Variants in ZP1 observed in about 807,000 individuals in gnomAD.
ZP1 encodes zona pellucida sperm-binding protein 1.
Under a neutral mutation model 67.4 loss-of-function variants are expected in ZP1, and 58 were observed. The ratio of observed to expected loss-of-function variants is 0.86; its 90% CI spans 0.70 to 1.07. The LOEUF (loss-of-function observed/expected upper bound fraction) is 1.07, where lower values mean the gene tolerates loss of function less well. Ranked by LOEUF, ZP1 falls within the 50% of genes least tolerant of loss-of-function variation. The pLI is 0.00. For missense variants in ZP1, 759 were observed against 807.3 expected (o/e 0.94, Z 0.72); for synonymous variants, 333 against 332.7 (o/e 1.00, Z -0.01).
intron 3 of ZP1, among the ~76,000 whole-genome samples, 183 bp downstream of exon 3, chr11:60,870,083 A>T (rs1391217437): frequency 6.6e-6 from 1 of 152,236 alleles, no homozygotes; most frequent in African/African-American, 2.4e-5. Context: ...GTATAGGTGT[A>T]CTAAAGCTAG....
intron 1 of ZP1, 43 bp downstream of exon 1, chr11:60,867,800 G>GGCCA (rs766585544): frequency 1.3e-6 from 2 of 1,589,298 alleles, no homozygotes; most frequent in South Asian, 2.3e-5. Flanking sequence ...CCTGGCCACG[G>GGCCA]GCTGCTGCCA....
rs757348950 is a variant in ZP1, at chr11:60,875,250, TAGG to T, written c.1774+6_1774+8del. The T allele has an allele frequency of 3.1e-6, 5 of 1,609,956 alleles. No individual in the cohort carries two copies. The highest frequency in any genetic ancestry group is 1.7e-5 in the Admixed American group (1 of 59,740). Reference sequence around the variant, plus strand: ...AGGAGCCCACACTTGGGCCCACAGGTAGGAGGGCTTCTGGGTGGGCCCCTCAGG... The same window carrying T: ...AGGAGCCCACACTTGGGCCCACAGGTAGGGCTTCTGGGTGGGCCCCTCAGG... On this transcript the variant is annotated splice_donor_5th_base_variant and intron_variant, in intron 11 of 11. Coordinates refer to ENST00000278853, the MANE Select transcript of ZP1 (RefSeq NM_207341.4).
chr11:60,874,881 C>T (rs1855670239), intron 9 of ZP1, 52 bp from the exon 10 acceptor site: 1 of 1,578,276 alleles, frequency 6.3e-7, no homozygotes, highest in African/African-American at 1.3e-5. Flanking sequence ...CTTTGTGCTT[C>T]CTGCCCGGTG....
At chr11:60,872,241 C>T (rs370592287) in intron 6 of ZP1, among the ~76,000 whole-genome samples, 74 of 152,200 alleles carry the variant, frequency 4.9e-4, no homozygotes, top group African/African-American at 1.8e-3. Context: ...GTTCTTATGG[C>T]CAAGTGGTGG....
At chr11:60,871,176 TC>T (rs745798186) in intron 5 of ZP1, 32 bp downstream of exon 5, 26 of 1,613,766 alleles carry the variant, frequency 1.6e-5, no homozygotes, top group Non-Finnish European at 2.0e-5. Flanking sequence ...TGGGGCCTGG[TC>T]CCCCACCAGA....
chr11:60,871,148 G>A lies in ZP1; in HGVS notation c.1014+4G>A. 2 of 1,614,014 alleles carry A rather than the reference G, an allele frequency of 1.2e-6. No individual in the cohort carries two copies. The highest frequency in any genetic ancestry group is 1.6e-4 in the Middle Eastern group (1 of 6,062). ...CCACTGTGGAACCACAATGCAGGTA[G>A]GAGCCGGGACCACAGGCTGGGGCCT... On this transcript the variant is annotated splice_donor_region_variant and intron_variant, in intron 5 of 11. Coordinates refer to ENST00000278853, the MANE Select transcript of ZP1 (RefSeq NM_207341.4).
At chr11:60,870,667 G>A (rs958499028) in intron 4 of ZP1, 192 bp downstream of exon 4, 1 of 731,612 alleles carries the variant, frequency 1.4e-6, no homozygotes, top group East Asian at 2.8e-5. Context: ...CTGTCCCAGG[G>A]AACTATTAAT....
At position 60,873,788 on chromosome 11, in the gene ZP1, G is replaced by A. The variant is rs767759286; in HGVS notation, c.1572+13G>A. ...CCTCAGAGGACTGGTAAGAAGCCCC[G>A]GCTGCCGCATGCCTGGTCCCATCTG... On this transcript the variant is annotated intron_variant, in intron 9 of 11. Transcript: ENST00000278853. 2.9e-5 allele frequency: 47 copies of A among 1,612,808 alleles called. No individual in the cohort carries two copies. The highest frequency in any genetic ancestry group is 3.5e-5 in the Non-Finnish European group (41 of 1,180,002).
intron 9 of ZP1, among the ~76,000 whole-genome samples, chr11:60,874,331 T>C (rs1219623999): frequency 6.6e-6 from 1 of 152,232 alleles, no homozygotes; most frequent in Non-Finnish European, 1.5e-5. Flanking sequence ...TCATCTCTGC[T>C]GTGTGCTGCC....
rs1459992525 is a variant in ZP1, at chr11:60,869,575, G to A, written c.357G>A (p.Val119=). The A allele has an allele frequency of 6.2e-7, 1 of 1,612,792 alleles. No homozygotes were observed. Among genetic ancestry groups the A allele is most frequent in the East Asian group, 2.2e-5 (1 of 44,854 alleles). ...ACCTGAGGGTGTTCATGGAGGCTGTGCTGCCCAATGGTCGTGTGGATGTGG... is the reference window on the plus strand; with the variant it reads ...ACCTGAGGGTGTTCATGGAGGCTGTACTGCCCAATGGTCGTGTGGATGTGG... ...RFHLRVFMEA[V]LPNGRVDVAQ... Residue 119 remains valine, a synonymous_variant, in exon 3 of 12, where the codon GTG becomes GTA. Coordinates refer to ENST00000278853, the MANE Select transcript of ZP1 (RefSeq NM_207341.4).
At chr11:60,870,670 C>G in intron 4 of ZP1, 195 bp downstream of exon 4, 1 of 716,046 alleles carries the variant, frequency 1.4e-6, no homozygotes, top group Admixed American at 3.1e-5. Context: ...TCCCAGGGAA[C>G]TATTAATAGA....
chr11:60,871,205 C>G lies in ZP1; in HGVS notation c.1015-12C>G. 1 of 1,614,088 alleles carries G rather than the reference C, an allele frequency of 6.2e-7. No individual in the cohort carries two copies. The highest frequency in any genetic ancestry group is 8.5e-7 in the Non-Finnish European group (1 of 1,180,030). ...CCACCAGAAAGCCTCACCCAGCTGT[C>G]TCTTCCTACAGGTGGCTGGCGACCA... is the stretch of plus-strand genomic sequence containing the variant. On this transcript the variant is annotated splice_polypyrimidine_tract_variant and intron_variant, in intron 5 of 11. Transcript: ENST00000278853.
rs752851301 is a variant in ZP1, at chr11:60,871,080, C to A, written c.950C>A (p.Thr317Lys). 6.2e-7 allele frequency: 1 copy of A among 1,614,252 alleles called. No individual in the cohort carries two copies. Among genetic ancestry groups the A allele is most frequent in the Non-Finnish European group, 8.5e-7 (1 of 1,180,042 alleles). ...LAYAPTSCSP[T>K]QHTEAFVVFY... ...TATGCCCCCACCAGCTGCTCCCCAA[C>A]ACAGCACACGGAAGCTTTCGTGGTC... Residue 317 changes from threonine (T) to lysine (K), a missense_variant, in exon 5 of 12, where the codon ACA (threonine) becomes AAA (lysine). Thr to Lys is a moderately conservative substitution (Grantham distance 78). Coordinates refer to ENST00000278853, the MANE Select transcript of ZP1 (RefSeq NM_207341.4).
chr11:60,871,373 C>G lies in ZP1; in HGVS notation c.1112+59C>G. On this transcript the variant is annotated intron_variant, in intron 6 of 11. Coordinates refer to ENST00000278853, the MANE Select transcript of ZP1 (RefSeq NM_207341.4). ...TGTGCTAGGGTGTCAGGGGCACAGG[C>G]GAGCTCAGTACAGGCTTCGGAGCCA... is the stretch of plus-strand genomic sequence containing the variant. 3 of 1,569,766 alleles carry G rather than the reference C, an allele frequency of 1.9e-6. No homozygotes were observed. The East Asian group carries it at 6.8e-5, about 35-fold the overall frequency.
chr11:60,870,695 A>G (rs928941540), intron 4 of ZP1: 2 of 679,864 alleles, frequency 2.9e-6, no homozygotes, highest in Middle Eastern at 3.6e-4. Flanking sequence ...CCTTACACAC[A>G]TCTGGACTTT....
At chr11:60,872,563 C>T (rs1365601940) in intron 6 of ZP1, among the ~76,000 whole-genome samples, 2 of 152,210 alleles carry the variant, frequency 1.3e-5, no homozygotes, top group African/African-American at 4.8e-5. Context: ...ACACTGTGGC[C>T]TTTAGGCTGT....
intron 9 of ZP1, among the ~76,000 whole-genome samples, chr11:60,874,408 G>A (rs1855656878): frequency 6.6e-6 from 1 of 152,230 alleles, no homozygotes; most frequent in Admixed American, 6.5e-5. Flanking sequence ...GTAGGGCACT[G>A]CCCCTGCCCT....
chr11:60,870,787 G>T lies in ZP1; in HGVS notation c.827-170G>T, dbSNP rs889857884. 5.1e-6 allele frequency: 4 copies of T among 786,422 alleles called. No individual in the cohort carries two copies. The African/African-American group carries it at 6.9e-5, about 14-fold the overall frequency. 48.7% of individuals were successfully genotyped at this position (786,422 alleles called of 1,614,324 possible). On this transcript the variant is annotated intron_variant, in intron 4 of 11. Transcript: ENST00000278853. ...GTGTAGTTCAACTCATTTGTCACAT[G>T]GATGAGAAAATCAGTCCATAAAGGG...
chr11:60,873,702 C>A lies in ZP1; in HGVS notation c.1499C>A (p.Ser500Ter). ...VALDGATPFQ[S>*]HYQRFTVATF... The stretch of plus-strand genomic sequence containing the variant: ...TTGGACGGGGCCACACCTTTCCAGT[C>A]GCACTACCAGCGATTCACTGTTGCT... Residue 500 changes from serine to a stop codon, truncating the protein, a stop_gained, in exon 9 of 12, where the codon TCG becomes TAG. Transcript: ENST00000278853. LOFTEE classifies it high-confidence loss of function. 6.2e-7 allele frequency: 1 copy of A among 1,614,178 alleles called. No homozygotes were observed. The highest frequency in any genetic ancestry group is 1.1e-5 in the South Asian group (1 of 91,080).
Sources: gnomAD v4.1 joint callset for allele counts (sites outside exome capture counted in the v4.1 genomes callset) on GRCh38, gnomAD v4.1.1 for gene constraint, MANE v1.5 for transcripts, NCBI Gene and HGNC (gene_info 2026-07-23, HGNC 2026-07-21) for gene names.